The following NCOA3 variants were observed in gnomAD, a reference collection of about 807,000 sequenced individuals.
NCOA3 encodes CBP-interacting protein.
In NCOA3, 51 loss-of-function variants were observed where a neutral mutation model predicts 158.8. That is an observed-to-expected ratio of 0.32 (90% confidence interval 0.26 to 0.41). The LOEUF is 0.41. NCOA3 is among the 10% of genes least tolerant of loss of function. The pLI, the probability that NCOA3 is intolerant of heterozygous loss-of-function variation, is 1.00. For missense variants in NCOA3, 1,510 were observed against 1,746.6 expected (o/e 0.86, Z 2.41); for synonymous variants, 537 against 592.4 (o/e 0.91, Z 1.36).
At position 47,511,528 on chromosome 20, in the gene NCOA3, T is replaced by TCG. The variant is rs1319806509; in HGVS notation, c.-99+9509_-99+9510insCG. 4.7e-3 allele frequency among the ~76,000 whole-genome samples: 44 copies of TCG among 9,364 alleles called. 1 individual carries two copies. Among genetic ancestry groups the TCG allele is most frequent in the African/African-American group, 5.1e-3 (42 of 8,282 alleles). 6.1% of individuals were successfully genotyped at this position (9,364 alleles called of 152,430 possible). A position where few individuals can be genotyped will look rare whatever the true frequency, so the allele number is the denominator to read the frequency against. On this transcript the variant is annotated intron_variant, in intron 1 of 22. Transcript: ENST00000371998. Reference sequence around the variant, plus strand: ...TGAGATATGTATCTCTCTCGAGATATATATATATATATATATATATATATA... The same window carrying TCG: ...TGAGATATGTATCTCTCTCGAGATATCGATATATATATATATATATATATATA...
At chr20:47,638,732 A>G (rs1209414752) in intron 13 of NCOA3, among the ~76,000 whole-genome samples, 1 of 151,016 alleles carries the variant, frequency 6.6e-6, no homozygotes, top group East Asian at 1.9e-4. Context: ...ATCAGTGACC[A>G]TATCAGGCTA....
chr20:47,567,898 T>TG (rs1448797251), intron 1 of NCOA3, among the ~76,000 whole-genome samples: 5 of 151,924 alleles, frequency 3.3e-5, no homozygotes, highest in Non-Finnish European at 7.4e-5. Context: ...TTTGTAGAGA[T>TG]GGGGTCTTTC....
At chr20:47,626,945 G>C (rs1602506657) in intron 5 of NCOA3, 57 bp from the exon 6 acceptor site, 1 of 1,413,690 alleles carries the variant, frequency 7.1e-7, no homozygotes, top group East Asian at 2.3e-5. Context: ...TTAAGAATTA[G>C]AGGGAGGAGG....
intron 1 of NCOA3, among the ~76,000 whole-genome samples, chr20:47,512,670 G>C (rs2084166197): frequency 6.6e-6 from 1 of 151,698 alleles, no homozygotes; most frequent in African/African-American, 2.4e-5. Flanking sequence ...CTCAACATCA[G>C]CCATTAGGGA....
chr20:47,529,785 CT>C (rs1161605789), intron 1 of NCOA3, among the ~76,000 whole-genome samples: 1 of 152,156 alleles, frequency 6.6e-6, no homozygotes, highest in Non-Finnish European at 1.5e-5. Context: ...CTGAATTATT[CT>C]TTCTCTCATG....
chr20:47,511,522 G>GATATATATATATAT (rs1569310799), intron 1 of NCOA3, among the ~76,000 whole-genome samples: 1 of 7,100 alleles, frequency 1.4e-4, no homozygotes, highest in African/African-American at 2.2e-4. Flanking sequence ...TATCTCTCTC[G>GATATATATATATAT]AGATATATAT....
At chr20:47,508,125 C>G (rs1461356232) in intron 1 of NCOA3, among the ~76,000 whole-genome samples, 1 of 152,028 alleles carries the variant, frequency 6.6e-6, no homozygotes, top group Non-Finnish European at 1.5e-5. Context: ...TTTTCAGAAA[C>G]AAGCTTAATT....
At chr20:47,515,056 G>A (rs1265268206) in intron 1 of NCOA3, among the ~76,000 whole-genome samples, 1 of 151,608 alleles carries the variant, frequency 6.6e-6, no homozygotes, top group African/African-American at 2.4e-5. Context: ...CAGCAAAAGA[G>A]GTTTGAAAAA....
chr20:47,596,027 T>A (rs939831676), intron 2 of NCOA3, among the ~76,000 whole-genome samples: 6 of 152,202 alleles, frequency 3.9e-5, no homozygotes, highest in African/African-American at 1.4e-4. Context: ...AAAGAGTATA[T>A]ATTATTTGAA....
At chr20:47,557,548 T>C (rs2085025957) in intron 1 of NCOA3, among the ~76,000 whole-genome samples, 1 of 152,194 alleles carries the variant, frequency 6.6e-6, no homozygotes, top group Non-Finnish European at 1.5e-5. Flanking sequence ...CTGTTTCTAA[T>C]ATTGAGAGGA....
At chr20:47,528,959 G>T (rs1287356331) in intron 1 of NCOA3, among the ~76,000 whole-genome samples, 1 of 151,874 alleles carries the variant, frequency 6.6e-6, no homozygotes, top group Non-Finnish European at 1.5e-5. Context: ...AGAGAAGGGG[G>T]TTTCTCCACG....
chr20:47,521,213 A>G (rs937904663), intron 1 of NCOA3, among the ~76,000 whole-genome samples: 5 of 152,182 alleles, frequency 3.3e-5, no homozygotes, highest in Non-Finnish European at 5.9e-5. Flanking sequence ...GGCCGCCACA[A>G]GGGGGCGGGG....
chr20:47,503,137 G>C (rs1056088376), intron 1 of NCOA3, among the ~76,000 whole-genome samples: 7 of 152,184 alleles, frequency 4.6e-5, no homozygotes, highest in African/African-American at 1.7e-4. Flanking sequence ...GAGAGTGGTA[G>C]TAGTATTGAG....
chr20:47,565,235 C>T (rs1184075907), intron 1 of NCOA3, among the ~76,000 whole-genome samples: 1 of 152,194 alleles, frequency 6.6e-6, no homozygotes, highest in Non-Finnish European at 1.5e-5. Context: ...CCTGCCTCGG[C>T]CTCCCAATGT....
chr20:47,613,905 T>TA (rs371184594), intron 2 of NCOA3, among the ~76,000 whole-genome samples: 182 of 142,946 alleles, frequency 1.3e-3, no homozygotes, highest in South Asian at 2.2e-3. Flanking sequence ...GACTCTGTCT[T>TA]AAAAAAAAAA....
chr20:47,506,101 G>A (rs980932995), intron 1 of NCOA3, among the ~76,000 whole-genome samples: 2 of 152,082 alleles, frequency 1.3e-5, no homozygotes, highest in Admixed American at 1.3e-4. Flanking sequence ...CACCGCTCCC[G>A]GCCCATTTTC....
At chr20:47,633,866 G>A (rs2086462302) in intron 9 of NCOA3, among the ~76,000 whole-genome samples, 182 bp from the exon 10 acceptor site, 2 of 152,158 alleles carry the variant, frequency 1.3e-5, no homozygotes, top group Admixed American at 1.3e-4. Flanking sequence ...TCTCTTGTTG[G>A]TGAGGGGTAG....
chr20:47,654,849 T>A lies in NCOA3; in HGVS notation c.*1432T>A, dbSNP rs1423421623. The A allele has an allele frequency of 6.9e-6, 1 of 144,990 alleles. No homozygotes were observed. The highest frequency in any genetic ancestry group is 1.5e-5 in the Non-Finnish European group (1 of 66,464). The allele number at this position is 144,990 out of a possible 1,614,324, so 9.0% of individuals were successfully genotyped here. On this transcript the variant is annotated 3_prime_UTR_variant, in exon 23 of 23. Coordinates refer to ENST00000371998, the MANE Select transcript of NCOA3 (RefSeq NM_181659.3). ...TCCGAAATAATAGCAATTCATGGGC[T>A]GTGTGTGTGTGTGTATGTGTGTGTG...
At position 47,607,889 on chromosome 20, in the gene NCOA3, A is replaced by G. The variant is rs180985824; in HGVS notation, c.-19-14340A>G. ...CACCGGATTGAATGCAGAAGTAAAT[A>G]ACTGTTTTCTATTAAGTCAGGTAAT... On this transcript the variant is annotated intron_variant, in intron 2 of 22. Coordinates refer to ENST00000371998, the MANE Select transcript of NCOA3 (RefSeq NM_181659.3). Among the ~76,000 whole-genome samples the G allele has an allele frequency of 9.2e-5, 14 of 152,340 alleles. 1 individual carries two copies. The East Asian group carries it at 2.7e-3, about 29-fold the overall frequency.
Sources: gnomAD v4.1 joint callset for allele counts (sites outside exome capture counted in the v4.1 genomes callset) on GRCh38, gnomAD v4.1.1 for gene constraint, MANE v1.5 for transcripts, NCBI Gene and HGNC (gene_info 2026-07-23, HGNC 2026-07-21) for gene names.